TSHZ2: variants seen among roughly 807,000 people sequenced by gnomAD.
TSHZ2 encodes teashirt zinc finger homeobox 2.
In TSHZ2, 21 loss-of-function variants were observed where a neutral mutation model predicts 74.4. The observed-to-expected ratio is 0.28, with a 90% CI of 0.20 to 0.41. The LOEUF is 0.41. Among genes scored for constraint, TSHZ2 ranks in the 10% least tolerant of loss-of-function variants. The probability of loss-of-function intolerance (pLI) is 1.00; values close to 1 mark genes in which losing one functional copy is unlikely to be tolerated. For synonymous variants in TSHZ2, 540 were observed against 515.3 expected, an observed-to-expected ratio of 1.05 and a Z score of -0.65; for missense variants, 1,244 against 1,293.5, an observed-to-expected ratio of 0.96 and a Z score of 0.59.
intron 2 of TSHZ2, among the ~76,000 whole-genome samples, chr20:53,389,552 T>G (rs1462568604): frequency 6.6e-6 from 1 of 152,076 alleles, no homozygotes; most frequent in African/African-American, 2.4e-5. Flanking sequence ...TAGGAGGAGG[T>G]GACAGAGTAT....
At chr20:53,454,683 T>G (rs1984978157) in intron 2 of TSHZ2, among the ~76,000 whole-genome samples, 1 of 152,150 alleles carries the variant, frequency 6.6e-6, no homozygotes, top group Admixed American at 6.5e-5. Context: ...CTCCCCTTTC[T>G]CAAAGTAGCC....
chr20:53,212,733 C>G (rs1989342766), intron 1 of TSHZ2, among the ~76,000 whole-genome samples: 1 of 152,178 alleles, frequency 6.6e-6, no homozygotes, highest in Non-Finnish European at 1.5e-5. Flanking sequence ...ACAAAAGATT[C>G]TCTCCGCATG....
At chr20:53,373,923 A>C (rs1219244626) in intron 2 of TSHZ2, among the ~76,000 whole-genome samples, 1 of 152,220 alleles carries the variant, frequency 6.6e-6, no homozygotes, top group Non-Finnish European at 1.5e-5. Context: ...ACTGCTTCCC[A>C]AAGTGTGATA....
At position 53,256,013 on chromosome 20, in the gene TSHZ2, ATCT is replaced by A; in HGVS notation, c.2559_2561del (p.Leu854del). On this transcript the variant is annotated inframe_deletion, in exon 2 of 3. Transcript: ENST00000371497. The surrounding 1 kb of genome is among the most constrained non-coding windows in gnomAD (Gnocchi z 4.3). Reference sequence around the variant, plus strand: ...CGGCAGTCCAACTGGAATCCTCAGCATCTTCTGATTCTACAAGCCCAGTTTGCC... The same window carrying A: ...CGGCAGTCCAACTGGAATCCTCAGCATCTGATTCTACAAGCCCAGTTTGCC... 1 of 1,613,408 alleles carries A rather than the reference ATCT, an allele frequency of 6.2e-7. No individual in the cohort carries two copies. The highest frequency in any genetic ancestry group is 8.5e-7 in the Non-Finnish European group (1 of 1,179,478).
chr20:53,206,000 C>G (rs1390075064), intron 1 of TSHZ2, among the ~76,000 whole-genome samples: 2 of 152,126 alleles, frequency 1.3e-5, no homozygotes, highest in African/African-American at 2.4e-5. Flanking sequence ...GCGGGTGGAT[C>G]ACGAGGTCAG....
At chr20:52,978,062 G>T (rs1463075009) in intron 1 of TSHZ2, among the ~76,000 whole-genome samples, 5 of 152,158 alleles carry the variant, frequency 3.3e-5, no homozygotes, top group Non-Finnish European at 7.3e-5. Flanking sequence ...CCCTGAAGCA[G>T]CTTGACTTTT....
intron 2 of TSHZ2, among the ~76,000 whole-genome samples, chr20:53,358,672 A>G (rs1452673633): frequency 6.6e-6 from 1 of 152,174 alleles, no homozygotes; most frequent in Non-Finnish European, 1.5e-5. Context: ...AAAAAAATTT[A>G]CTTCCAATTA....
chr20:53,482,630 T>C (rs1047608963), intron 2 of TSHZ2, among the ~76,000 whole-genome samples: 2 of 151,994 alleles, frequency 1.3e-5, no homozygotes, highest in African/African-American at 2.4e-5. Flanking sequence ...GGGCTGCACA[T>C]GGTGGCTCAC....
At chr20:53,362,517 A>C (rs1981108214) in intron 2 of TSHZ2, among the ~76,000 whole-genome samples, 1 of 152,144 alleles carries the variant, frequency 6.6e-6, no homozygotes, top group Admixed American at 6.6e-5. Context: ...ACTGTATAGA[A>C]ATGTAAGTAC....
intron 1 of TSHZ2, among the ~76,000 whole-genome samples, chr20:53,226,158 ACATG>A (rs1191481393): frequency 1.1e-4 from 15 of 132,616 alleles, no homozygotes; most frequent in Non-Finnish European, 2.4e-4. Flanking sequence ...ACACACACAC[ACATG>A]CACACAAACA....
chr20:53,014,610 G>T (rs1420339569), intron 1 of TSHZ2, among the ~76,000 whole-genome samples: 1 of 152,022 alleles, frequency 6.6e-6, no homozygotes, highest in Admixed American at 6.6e-5. Flanking sequence ...CTTGACTAAA[G>T]CTCCATTTTC....
intron 1 of TSHZ2, among the ~76,000 whole-genome samples, chr20:53,102,509 G>A (rs1986245999): frequency 6.6e-6 from 1 of 151,474 alleles, no homozygotes; most frequent in Non-Finnish European, 1.5e-5. Flanking sequence ...GGAAGAAGAG[G>A]GGAGGGGAGG....
At chr20:53,273,379 T>G (rs1709968765) in intron 2 of TSHZ2, 1 of 152,470 alleles carries the variant, frequency 6.6e-6, no homozygotes, top group Admixed American at 6.5e-5. Context: ...CTGCAACCTC[T>G]GCCTCCTGGG....
rs569526026 is a variant in TSHZ2 at position 53,247,594 on chromosome 20, A to G, written c.41-5905A>G. Among the ~76,000 whole-genome samples the G allele has an allele frequency of 2.6e-5, 4 of 152,324 alleles. No individual in the cohort carries two copies. The East Asian group carries it at 7.7e-4, about 29-fold the overall frequency. On this transcript the variant is annotated intron_variant, in intron 1 of 2. Transcript: ENST00000371497. ...ACAGTCACCCAAACACTAGAGACTC[A>G]TGACAGGGAGCTCTCATTCCGAGTC... is the stretch of plus-strand genomic sequence containing the variant.
chr20:53,440,398 ACCC>A (rs1984265645), intron 2 of TSHZ2, among the ~76,000 whole-genome samples: 1 of 152,164 alleles, frequency 6.6e-6, no homozygotes, highest in Non-Finnish European at 1.5e-5. Flanking sequence ...TGGAATTGTC[ACCC>A]ATTTCTGATG....
intron 2 of TSHZ2, among the ~76,000 whole-genome samples, chr20:53,260,997 A>T (rs1990590134): frequency 6.6e-6 from 1 of 152,228 alleles, no homozygotes; most frequent in Admixed American, 6.5e-5. Flanking sequence ...TATTATCCTC[A>T]TTTTGCAGAG....
intron 1 of TSHZ2, among the ~76,000 whole-genome samples, chr20:53,170,199 A>G (rs759910526): frequency 6.6e-6 from 1 of 152,208 alleles, no homozygotes; most frequent in East Asian, 1.9e-4. Context: ...CTGCTTTTCT[A>G]GGGCTATGCT....
intron 1 of TSHZ2, among the ~76,000 whole-genome samples, chr20:53,116,384 A>G (rs1033173813): frequency 7.2e-5 from 11 of 152,100 alleles, no homozygotes; most frequent in Non-Finnish European, 2.9e-5. Flanking sequence ...GAAGAATGTG[A>G]TGGCTTCCCA....
chr20:53,179,868 T>C (rs1293860563), intron 1 of TSHZ2, among the ~76,000 whole-genome samples: 7 of 152,212 alleles, frequency 4.6e-5, no homozygotes. Context: ...AGAATTTACA[T>C]AGCACCAAAG....
Sources: allele counts gnomAD v4.1 joint callset (sites outside exome capture counted in the v4.1 genomes callset), GRCh38; gene constraint gnomAD v4.1.1; non-coding constraint Gnocchi (gnomAD v3.1); transcripts MANE v1.5; gene names NCBI Gene and HGNC (gene_info 2026-07-23, HGNC 2026-07-21).